Variants in PDZD2 observed in about 807,000 individuals in gnomAD.
PDZD2 encodes the protein PDZ domain-containing protein 2.
A neutral mutation model predicts 220.7 loss-of-function variants in PDZD2; 90 were observed. The observed-to-expected ratio is 0.41, with a 90% CI of 0.34 to 0.49. The LOEUF is 0.49. Ranked by LOEUF, PDZD2 falls within the 20% of genes least tolerant of loss-of-function variation. The probability of loss-of-function intolerance (pLI) is 0.28; values close to 1 mark genes in which losing one functional copy is unlikely to be tolerated. For synonymous variants in PDZD2, 1,375 were observed against 1,450.5 expected (o/e 0.95, Z 1.18); for missense variants, 3,174 against 3,608.5 (o/e 0.88, Z 3.08).
intron 1 of PDZD2, among the ~76,000 whole-genome samples, chr5:31,751,466 A>AACC: frequency 6.6e-6 from 1 of 152,242 alleles, no homozygotes; most frequent in Non-Finnish European, 1.5e-5. Context: ...TGAAGGTGAG[A>AACC]GACTGGGTTT....
At chr5:31,787,322 A>T (rs1007706686) in intron 1 of PDZD2, among the ~76,000 whole-genome samples, 3 of 152,250 alleles carry the variant, frequency 2.0e-5, no homozygotes, top group African/African-American at 7.2e-5. Flanking sequence ...AAACTCTAGA[A>T]ATATTATTAA....
intron 21 of PDZD2, among the ~76,000 whole-genome samples, chr5:32,096,849 T>TTC (rs1581489885): frequency 1.3e-5 from 2 of 149,648 alleles, no homozygotes; most frequent in East Asian, 2.0e-4. Flanking sequence ...TTTTTTTTTT[T>TTC]TTTTGAGACA....
chr5:31,957,819 CA>C (rs1260806635), intron 2 of PDZD2, among the ~76,000 whole-genome samples: 1 of 152,204 alleles, frequency 6.6e-6, no homozygotes, highest in Non-Finnish European at 1.5e-5. Flanking sequence ...GTCATCCGAT[CA>C]AAATATTTAT....
rs70957998 is a variant in PDZD2 at position 32,025,591 on chromosome 5, C to CTTTT, written c.1408-11615_1408-11612dup. Among the ~76,000 whole-genome samples, 249 of 67,520 alleles carry CTTTT rather than the reference C, an allele frequency of 3.7e-3. 25 individuals carry two copies. The highest frequency in any genetic ancestry group is 5.2e-3 in the Non-Finnish European group (203 of 39,108). The allele number at this position is 67,520 out of a possible 152,430, so 44.3% of individuals were successfully genotyped here. A position where few individuals can be genotyped will look rare whatever the true frequency, so the allele number is the denominator to read the frequency against. On this transcript the variant is annotated intron_variant, in intron 6 of 24. Coordinates refer to ENST00000438447, the MANE Select transcript of PDZD2 (RefSeq NM_178140.4). ...AGTGAGCCCAAATGTAACCATGATG[C>CTTTT]TTTTTTTTTTTTTTTTTTTTTTTTT...
intron 2 of PDZD2, among the ~76,000 whole-genome samples, chr5:31,801,843 GTGTT>G (rs963494892): frequency 1.3e-5 from 2 of 152,176 alleles, no homozygotes; most frequent in African/African-American, 4.8e-5. Context: ...ATAATGGAGA[GTGTT>G]TGGGAGGTTG....
chr5:32,096,324 G>T (rs1743690197), intron 21 of PDZD2, among the ~76,000 whole-genome samples: 1 of 151,688 alleles, frequency 6.6e-6, no homozygotes, highest in Admixed American at 6.6e-5. Context: ...AGTGAACTTT[G>T]GGGGTTTTTT....
At chr5:31,649,682 C>T (rs1745270367) in intron 1 of PDZD2, among the ~76,000 whole-genome samples, 1 of 152,056 alleles carries the variant, frequency 6.6e-6, no homozygotes, top group African/African-American at 2.4e-5. Flanking sequence ...TGCCTGTAAT[C>T]CCAGCACTCT....
At chr5:32,002,751 A>C (rs1752287677) in intron 5 of PDZD2, among the ~76,000 whole-genome samples, 2 of 18,736 alleles carry the variant, frequency 1.1e-4, no homozygotes, top group Non-Finnish European at 1.6e-4. Flanking sequence ...ACACCAACAC[A>C]CACACCCCAC....
At chr5:31,675,432 G>C (rs1746370829) in intron 1 of PDZD2, among the ~76,000 whole-genome samples, 1 of 152,196 alleles carries the variant, frequency 6.6e-6, no homozygotes, top group Admixed American at 6.5e-5. Flanking sequence ...GCCCAGCTCA[G>C]GGCTGCTCAG....
intron 1 of PDZD2, among the ~76,000 whole-genome samples, chr5:31,670,368 T>C (rs72753583): frequency 0.25 from 38,013 of 152,066 alleles, 4,987 homozygotes; most frequent in Admixed American, 0.36. Context: ...TAGCTAAACA[T>C]TGGGGGTTCA....
chr5:31,648,180 G>A (rs187517355), intron 1 of PDZD2, among the ~76,000 whole-genome samples: 108 of 152,208 alleles, frequency 7.1e-4, no homozygotes, highest in Non-Finnish European at 1.2e-3. Context: ...CAACTATCTC[G>A]AGGCATTGCC....
chr5:31,923,325 G>C, intron 2 of PDZD2: 3 of 752,666 alleles, frequency 4.0e-6, no homozygotes, highest in Middle Eastern at 3.8e-4. Flanking sequence ...CCGATGCGGT[G>C]GTTGCTGTAA....
chr5:32,110,280 A>C lies in PDZD2; in HGVS notation c.*2145A>C, dbSNP rs1036910782. The C allele has an allele frequency of 6.6e-6, 1 of 152,610 alleles. No homozygotes were observed. Among genetic ancestry groups the C allele is most frequent in the Non-Finnish European group, 1.5e-5 (1 of 68,044 alleles). The allele number at this position is 152,610 out of a possible 1,614,324, so 9.5% of individuals were successfully genotyped here. A position where few individuals can be genotyped will look rare whatever the true frequency, so the allele number is the denominator to read the frequency against. The stretch of plus-strand genomic sequence containing the variant: ...CCTTCCGCAAGTCTTTTTAATCCTC[A>C]TATCTGGAGTACAAGGGTAGACCTC... On this transcript the variant is annotated 3_prime_UTR_variant, in exon 25 of 25. Coordinates refer to ENST00000438447, the MANE Select transcript of PDZD2 (RefSeq NM_178140.4).
Position 31,646,881 on chromosome 5 carries a change from A to T in PDZD2, c.-361+7444A>T, listed in dbSNP as rs961044860. 6.6e-6 allele frequency among the ~76,000 whole-genome samples: 1 copy of T among 152,104 alleles called. No individual in the cohort carries two copies. ...AGCTGTCTCCAGAAAATGTGCTCCGAGTGTCCCCATCAGCGTGGATTCCCA... is the reference window on the plus strand; with the variant it reads ...AGCTGTCTCCAGAAAATGTGCTCCGTGTGTCCCCATCAGCGTGGATTCCCA... On this transcript the variant is annotated intron_variant, in intron 1 of 24. Transcript: ENST00000438447. This position sits in a 1 kb window ranked among gnomAD's most constrained non-coding sequence, Gnocchi z 4.7.
chr5:32,053,640 G>A (rs1738801312), intron 9 of PDZD2, 129 bp from the exon 10 acceptor site: 2 of 652,952 alleles, frequency 3.1e-6, no homozygotes, highest in South Asian at 1.8e-5. Context: ...CTCCAGGCCT[G>A]GTTAGGGAGG....
At chr5:31,850,694 T>C (rs1473622019) in intron 2 of PDZD2, among the ~76,000 whole-genome samples, 2 of 148,584 alleles carry the variant, frequency 1.3e-5, no homozygotes, top group Admixed American at 6.9e-5. Flanking sequence ...TGGAGTACAG[T>C]GGCGCCATCT....
chr5:31,684,527 G>A, intron 1 of PDZD2, among the ~76,000 whole-genome samples: 1 of 151,068 alleles, frequency 6.6e-6, no homozygotes, highest in Non-Finnish European at 1.5e-5. Context: ...TATTCTTGTT[G>A]GTATAGAACC....
At position 32,050,050 on chromosome 5, in the gene PDZD2, C is replaced by T. The variant is rs531827790; in HGVS notation, c.1665+1366C>T. Reference sequence around the variant, plus strand: ...CCGGGATCAAGCAGTTCTGCCTCAGCCTCTCAAGTACCTGGGATTACAGGT... The same window carrying T: ...CCGGGATCAAGCAGTTCTGCCTCAGTCTCTCAAGTACCTGGGATTACAGGT... On this transcript the variant is annotated intron_variant, in intron 8 of 24. Coordinates refer to ENST00000438447, the MANE Select transcript of PDZD2 (RefSeq NM_178140.4). 9.2e-5 allele frequency among the ~76,000 whole-genome samples: 14 copies of T among 152,310 alleles called. No homozygotes were observed. The South Asian group carries it at 1.5e-3, about 16-fold the overall frequency.
chr5:31,925,345 C>CAA (rs371684713), intron 2 of PDZD2, among the ~76,000 whole-genome samples: 12 of 148,440 alleles, frequency 8.1e-5, no homozygotes, highest in African/African-American at 2.5e-4. Context: ...ACAAAGTTAA[C>CAA]AAAAAAAAAA....
Sources: gnomAD v4.1 joint callset for allele counts (sites outside exome capture counted in the v4.1 genomes callset) on GRCh38, gnomAD v4.1.1 for gene constraint, Gnocchi (gnomAD v3.1) non-coding constraint, MANE v1.5 for transcripts, NCBI Gene and HGNC (gene_info 2026-07-23, HGNC 2026-07-21) for gene names.